The following GALNT14 variants were observed in gnomAD, a reference collection of about 807,000 sequenced individuals.
The protein encoded by GALNT14 is polypeptide N-acetylgalactosaminyltransferase 14.
In GALNT14, 60 loss-of-function variants were observed where a neutral mutation model predicts 77.5. The observed-to-expected ratio is 0.77, with a 90% CI of 0.63 to 0.96. GALNT14 has a LOEUF of 0.96. Ranked by LOEUF, GALNT14 falls within the 40% of genes least tolerant of loss-of-function variation. The pLI is 0.00. For synonymous variants in GALNT14, 280 were observed against 281.7 expected, an observed-to-expected ratio of 0.99 and a Z score of 0.06; for missense variants, 710 against 731.0, an observed-to-expected ratio of 0.97 and a Z score of 0.33.
chr2:31,066,852 G>C (rs948137302), intron 1 of GALNT14, among the ~76,000 whole-genome samples: 7 of 151,916 alleles, frequency 4.6e-5, no homozygotes, highest in Non-Finnish European at 8.8e-5. Flanking sequence ...GAGAAATCTA[G>C]TCACATAGAA....
At chr2:31,084,739 T>C (rs1217699506) in intron 1 of GALNT14, among the ~76,000 whole-genome samples, 2 of 152,146 alleles carry the variant, frequency 1.3e-5, no homozygotes, top group Non-Finnish European at 2.9e-5. Flanking sequence ...AGGTAAAGTG[T>C]GTGGCCGAGT....
rs531692673 is a variant in GALNT14 at position 30,929,432 on chromosome 2, C to G, written c.1114G>C (p.Ala372Pro). Residue 372 changes from alanine (A) to proline (P), a missense_variant, in exon 11 of 15, where the codon GCT (alanine) becomes CCT (proline). Transcript: ENST00000349752. ...WMDEYKQYYY[A>P]ARPFALERPF... ...CTCTCCAGGGCGAATGGCCGGGCAG[C>G]GTAATAGTATTGCTTGTATTCATCC... is the stretch of plus-strand genomic sequence containing the variant. 6.2e-7 allele frequency: 1 copy of G among 1,614,138 alleles called. No homozygotes were observed. The highest frequency in any genetic ancestry group is 8.5e-7 in the Non-Finnish European group (1 of 1,179,986).
intron 9 of GALNT14, among the ~76,000 whole-genome samples, chr2:30,941,614 A>T (rs1419030748): frequency 6.6e-6 from 1 of 152,094 alleles, no homozygotes; most frequent in Non-Finnish European, 1.5e-5. Flanking sequence ...AGATCCAACC[A>T]TCTGTTTGTA....
At chr2:31,011,728 G>A (rs59961542) in intron 1 of GALNT14, among the ~76,000 whole-genome samples, 9,383 of 152,124 alleles carry the variant, frequency 0.062, 901 homozygotes, top group African/African-American at 0.2. Flanking sequence ...CCCTCAGGGG[G>A]CCAAAGCTGG....
intron 1 of GALNT14, among the ~76,000 whole-genome samples, chr2:31,081,317 C>G (rs1229781042): frequency 6.6e-6 from 1 of 152,178 alleles, no homozygotes; most frequent in Non-Finnish European, 1.5e-5. Flanking sequence ...ACAGCTATTT[C>G]TTCTCTACAC....
chr2:31,136,511 G>A (rs2148656472), intron 1 of GALNT14, among the ~76,000 whole-genome samples: 1 of 152,128 alleles, frequency 6.6e-6, no homozygotes, highest in South Asian at 2.1e-4. Context: ...CTCACATCCT[G>A]GTCCAATGAT....
intron 11 of GALNT14, among the ~76,000 whole-genome samples, chr2:30,927,078 G>A (rs543542217): frequency 7.2e-5 from 11 of 152,226 alleles, no homozygotes; most frequent in African/African-American, 2.2e-4. Context: ...AGGAGAGACC[G>A]GGGATCAGGG....
intron 1 of GALNT14, among the ~76,000 whole-genome samples, chr2:30,993,874 T>C (rs1669866427): frequency 6.6e-6 from 1 of 152,154 alleles, no homozygotes; most frequent in Admixed American, 6.5e-5. Flanking sequence ...GAATGCCTCC[T>C]AGCCACAGCC....
At chr2:31,009,584 A>C (rs1670892041) in intron 1 of GALNT14, among the ~76,000 whole-genome samples, 1 of 152,162 alleles carries the variant, frequency 6.6e-6, no homozygotes, top group Non-Finnish European at 1.5e-5. Context: ...GAGCTCCAGA[A>C]CAATATCAAA....
Position 30,955,989 on chromosome 2 carries a change from A to ATT in GALNT14, c.467-13_467-12insAA, listed in dbSNP as rs1558440059. On this transcript the variant is annotated splice_polypyrimidine_tract_variant and intron_variant, in intron 4 of 14. Transcript: ENST00000349752. ...TTTACAGTCATCAGCTGCAAAGACA[A>ATT]AAGGTTAAGCCAATTGAGCGCCCAG... 6.2e-7 allele frequency: 1 copy of ATT among 1,614,166 alleles called. No homozygotes were observed. Among genetic ancestry groups the ATT allele is most frequent in the South Asian group, 1.1e-5 (1 of 91,086 alleles).
At chr2:31,112,552 C>T (rs531764058) in intron 1 of GALNT14, among the ~76,000 whole-genome samples, 32 of 152,274 alleles carry the variant, frequency 2.1e-4, no homozygotes, top group South Asian at 4.1e-4. Flanking sequence ...TTAGATGTCA[C>T]GATCGTCAAA....
intron 1 of GALNT14, among the ~76,000 whole-genome samples, chr2:31,117,024 C>T (rs760013014): frequency 7.9e-5 from 12 of 151,146 alleles, no homozygotes; most frequent in African/African-American, 4.9e-5. Flanking sequence ...GCAACAAGAG[C>T]GAAACTCTAT....
At chr2:30,916,411 C>T (rs899615914) in intron 13 of GALNT14, among the ~76,000 whole-genome samples, 6 of 152,178 alleles carry the variant, frequency 3.9e-5, no homozygotes, top group Non-Finnish European at 4.4e-5. Flanking sequence ...GTCCGGGAAC[C>T]GTCCCTCCTA....
At chr2:31,004,301 A>G (rs190647952) in intron 1 of GALNT14, among the ~76,000 whole-genome samples, 25 of 152,316 alleles carry the variant, frequency 1.6e-4, no homozygotes, top group Middle Eastern at 3.4e-3. Context: ...ACTGGGTGGA[A>G]GCACAGGAGG....
At chr2:30,931,456 G>T (rs1320654479) in intron 10 of GALNT14, among the ~76,000 whole-genome samples, 1 of 152,176 alleles carries the variant, frequency 6.6e-6, no homozygotes, top group African/African-American at 2.4e-5. Context: ...TGGATGAAGG[G>T]AGGAAGCAGG....
At chr2:31,056,189 A>G (rs1373292245) in intron 1 of GALNT14, among the ~76,000 whole-genome samples, 3 of 152,142 alleles carry the variant, frequency 2.0e-5, no homozygotes, top group Admixed American at 2.0e-4. Flanking sequence ...CATTCTAAGA[A>G]GCTTCCCAAG....
intron 1 of GALNT14, among the ~76,000 whole-genome samples, chr2:31,028,634 G>C (rs542253733): frequency 6.6e-6 from 1 of 152,226 alleles, no homozygotes; most frequent in African/African-American, 2.4e-5. Context: ...AGCAGGAGGC[G>C]GGGTAGCGGT....
At chr2:30,917,043 C>T (rs568403649) in intron 13 of GALNT14, among the ~76,000 whole-genome samples, 4 of 136,172 alleles carry the variant, frequency 2.9e-5, no homozygotes, top group Admixed American at 7.9e-5. Flanking sequence ...TGCCATTGCA[C>T]TCCAGCCTGG....
At chr2:30,899,691 C>T in the GALNT14 span, among the ~76,000 whole-genome samples, 2 of 152,008 alleles carry the variant, frequency 1.3e-5, no homozygotes, top group African/African-American at 4.8e-5. Context: ...TAATGTCGTG[C>T]TCAAGTCCTT....
Sources: gnomAD v4.1 joint callset for allele counts (sites outside exome capture counted in the v4.1 genomes callset) on GRCh38, gnomAD v4.1.1 for gene constraint, MANE v1.5 for transcripts, NCBI Gene and HGNC (gene_info 2026-07-23, HGNC 2026-07-21) for gene names.